The following ZNF266 variants were observed in gnomAD, a reference collection of about 807,000 sequenced individuals.
ZNF266 encodes zinc finger protein 266.
In ZNF266, 16 loss-of-function variants were observed where a neutral mutation model predicts 16.4. The observed-to-expected ratio is 0.98, with a 90% confidence interval of 0.66 to 1.48. The LOEUF is 1.48. ZNF266 is among the 40% of genes most tolerant of loss of function. The probability of loss-of-function intolerance (pLI) is 0.00; values close to 1 mark genes in which losing one functional copy is unlikely to be tolerated. For synonymous variants in ZNF266, 262 were observed against 237.9 expected, an observed-to-expected ratio of 1.10 and a Z score of -0.93; for missense variants, 738 against 689.1, an observed-to-expected ratio of 1.07 and a Z score of -0.79.
chr19:9,417,006 C>T (rs547061714), intron 9 of ZNF266, among the ~76,000 whole-genome samples: 2 of 152,178 alleles, frequency 1.3e-5, no homozygotes, highest in South Asian at 4.1e-4. Flanking sequence ...ACCAACGGGT[C>T]CTATCACAGA....
rs776532227 is a variant in ZNF266, at chr19:9,414,249, A to G, written c.877T>C (p.Tyr293His). Residue 293 changes from tyrosine (Y) to histidine (H), a missense_variant, in exon 11 of 11, where the codon TAC becomes CAC. Transcript: ENST00000592904. ...TGGGTTCCCATGTGAATATTAAGGT[A>G]TGCAGAATATCTAAATCCTTTTCCA... ...ECGKGFRYSAYLNIHMGTHTG... is the reference protein window; with the variant it reads ...ECGKGFRYSAHLNIHMGTHTG... 6.2e-7 allele frequency: 1 copy of G among 1,614,218 alleles called. No individual in the cohort carries two copies. The highest frequency in any genetic ancestry group is 1.7e-5 in the Admixed American group (1 of 60,022).
chr19:9,414,840 CAT>C, intron 10 of ZNF266, 120 bp from the exon 11 acceptor site: 1 of 1,165,872 alleles, frequency 8.6e-7, no homozygotes. Context: ...TCATTACACA[CAT>C]ATAAGTAATG....
intron 8 of ZNF266, 33 bp downstream of exon 8, chr19:9,418,472 A>G (rs1420846823): frequency 6.2e-7 from 1 of 1,611,804 alleles, no homozygotes; most frequent in South Asian, 1.1e-5. Flanking sequence ...AATCTGTTCC[A>G]TAGTAGGCTA....
At chr19:9,414,899 C>G (rs2068751360) in intron 10 of ZNF266, among the ~76,000 whole-genome samples, 179 bp from the exon 11 acceptor site, 1 of 152,248 alleles carries the variant, frequency 6.6e-6, no homozygotes, top group Admixed American at 6.5e-5. Context: ...TCCTGCCAGG[C>G]TGTGCCATCT....
intron 5 of ZNF266, among the ~76,000 whole-genome samples, chr19:9,423,555 G>A (rs1464656646): frequency 6.6e-6 from 1 of 152,172 alleles, no homozygotes; most frequent in East Asian, 1.9e-4. Context: ...CATGAAAAGT[G>A]GAATCGCATA....
intron 9 of ZNF266, among the ~76,000 whole-genome samples, chr19:9,417,478 C>T (rs898997880): frequency 2.6e-5 from 4 of 152,216 alleles, no homozygotes; most frequent in African/African-American, 9.6e-5. Flanking sequence ...CCTGTAATCC[C>T]AGCACTTTGG....
intron 3 of ZNF266, among the ~76,000 whole-genome samples, chr19:9,434,444 T>C (rs1393949395): frequency 6.6e-6 from 1 of 152,110 alleles, no homozygotes; most frequent in Non-Finnish European, 1.5e-5. Flanking sequence ...CACCAATAAA[T>C]GAAGGATACA....
chr19:9,434,857 G>C lies in ZNF266; in HGVS notation c.-469C>G, dbSNP rs2072220702. On this transcript the variant is annotated splice_region_variant and 5_prime_UTR_variant, in exon 3 of 11. Coordinates refer to ENST00000592904, the MANE Select transcript of ZNF266 (RefSeq NM_001370374.1). ...TTTTGAAGCTCTGTGGGGAGGTACA[G>C]GCCTAGGAAGTTCAGATAAAAAGAA... 1 of 152,112 alleles carries C rather than the reference G, an allele frequency of 6.6e-6. No homozygotes were observed. The highest frequency in any genetic ancestry group is 6.6e-5 in the Admixed American group (1 of 15,260). The allele number at this position is 152,112 out of a possible 1,614,324, so 9.4% of individuals were successfully genotyped here.
At chr19:9,422,792 C>G (rs890347254) in intron 5 of ZNF266, among the ~76,000 whole-genome samples, 2 of 152,176 alleles carry the variant, frequency 1.3e-5, no homozygotes, top group Admixed American at 6.5e-5. Flanking sequence ...GAACTTCAGG[C>G]AGTGTATTGG....
intron 8 of ZNF266, among the ~76,000 whole-genome samples, 161 bp downstream of exon 8, chr19:9,418,341 ACAC>A (rs2069377585): frequency 1.3e-5 from 2 of 152,340 alleles, no homozygotes; most frequent in African/African-American, 4.8e-5. Flanking sequence ...TCTTCATCTG[ACAC>A]CACATTTTGA....
chr19:9,413,587 C>T lies in ZNF266; in HGVS notation c.1539G>A (p.Thr513=), dbSNP rs762102591. 4.0e-5 allele frequency: 65 copies of T among 1,613,914 alleles called. No individual in the cohort carries two copies. Among genetic ancestry groups the T allele is most frequent in the South Asian group, 1.8e-4 (16 of 91,080 alleles). ...TGTGATTATTAAGACTGGAGGAATG[C>T]GTAAATGCTTTACCACATTCCAGGC... The part of the protein sequence containing the change: ...FECLECGKAF[T]HSSSLNNHMR... Residue 513 remains threonine (T), a synonymous_variant, in exon 11 of 11, where the codon ACG becomes ACA. Transcript: ENST00000592904.
At chr19:9,428,407 C>T (rs1472683325) in intron 5 of ZNF266, among the ~76,000 whole-genome samples, 1 of 152,236 alleles carries the variant, frequency 6.6e-6, no homozygotes, top group African/African-American at 2.4e-5. Context: ...TCACTCCTCC[C>T]TCCCACAGGT....
chr19:9,424,003 A>G (rs1239016692), intron 5 of ZNF266, among the ~76,000 whole-genome samples: 1 of 152,108 alleles, frequency 6.6e-6, no homozygotes, highest in Admixed American at 6.5e-5. Context: ...TCTCAAAACA[A>G]AACAAAAAAA....
intron 5 of ZNF266, among the ~76,000 whole-genome samples, chr19:9,424,220 CAAA>C (rs55740067): frequency 1.3e-4 from 16 of 121,642 alleles, no homozygotes; most frequent in African/African-American, 3.7e-4. Context: ...AACCAAGAGG[CAAA>C]AAAAAAAAAA....
At chr19:9,418,323 G>A (rs2069374823) in intron 8 of ZNF266, among the ~76,000 whole-genome samples, 182 bp downstream of exon 8, 1 of 152,184 alleles carries the variant, frequency 6.6e-6, no homozygotes, top group African/African-American at 2.4e-5. Context: ...CAACAGTGCT[G>A]GTGATGCTCT....
intron 5 of ZNF266, among the ~76,000 whole-genome samples, chr19:9,430,797 A>T (rs1162177536): frequency 6.6e-6 from 1 of 152,122 alleles, no homozygotes; most frequent in East Asian, 1.9e-4. Context: ...AGGTCTACCT[A>T]ATCCACAACC....
chr19:9,431,527 A>C (rs908587579), intron 5 of ZNF266, among the ~76,000 whole-genome samples: 21 of 152,304 alleles, frequency 1.4e-4, no homozygotes, highest in Admixed American at 5.9e-4. Context: ...GTGGCATCCA[A>C]ATTTCCTGTG....
intron 5 of ZNF266, among the ~76,000 whole-genome samples, chr19:9,433,461 C>A: frequency 6.6e-6 from 1 of 152,180 alleles, no homozygotes; most frequent in African/African-American, 2.4e-5. Flanking sequence ...AAAAAAACAA[C>A]GAGAGAAGTT....
At position 9,413,801 on chromosome 19, in the gene ZNF266, CTG is replaced by C. The variant is rs770008699; in HGVS notation, c.1323_1324del (p.His441GlnfsTer7). On this transcript the variant is annotated frameshift_variant, in exon 11 of 11. Transcript: ENST00000592904. LOFTEE classifies it low-confidence loss of function (END_TRUNC). ...CTTACATTCATAGGGCCTCTCTCCA[CTG>C]TGAGTTCGTGCATGCTTAGTAAGGT... The C allele has an allele frequency of 1.9e-6, 3 of 1,613,920 alleles. No homozygotes were observed. Among genetic ancestry groups the C allele is most frequent in the African/African-American group, 1.3e-5 (1 of 74,964 alleles).
Sources: gnomAD v4.1 joint callset for allele counts (sites outside exome capture counted in the v4.1 genomes callset) on GRCh38, gnomAD v4.1.1 for gene constraint, MANE v1.5 for transcripts, NCBI Gene and HGNC (gene_info 2026-07-23, HGNC 2026-07-21) for gene names.